NOX5: variants seen among roughly 807,000 people sequenced by gnomAD.
NOX5 encodes NADPH oxidase 5.
A neutral mutation model predicts 85.7 loss-of-function variants in NOX5; 76 were observed. That is an observed-to-expected ratio of 0.89 (90% CI 0.74 to 1.07). The LOEUF (loss-of-function observed/expected upper bound fraction) is 1.07, where lower values mean the gene tolerates loss of function less well. Ranked by LOEUF, NOX5 falls within the 50% of genes least tolerant of loss-of-function variation. The pLI is 0.00. For missense variants in NOX5, 973 were observed against 999.5 expected, an observed-to-expected ratio of 0.97 and a Z score of 0.36; for synonymous variants, 405 against 401.4, an observed-to-expected ratio of 1.01 and a Z score of -0.11.
In NOX5 at chr15:69,059,688, G is replaced by C. The variant is rs1430680655; in HGVS notation, c.*2992G>C. The C allele has an allele frequency of 6.6e-6, 1 of 152,182 alleles. No homozygotes were observed. Among genetic ancestry groups the C allele is most frequent in the Admixed American group, 6.5e-5 (1 of 15,280 alleles). 9.4% of individuals were successfully genotyped at this position (152,182 alleles called of 1,614,324 possible). On this transcript the variant is annotated 3_prime_UTR_variant, in exon 16 of 16. Coordinates refer to ENST00000388866, the MANE Select transcript of NOX5 (RefSeq NM_024505.4). ...CACATGTGAGTGTACAGCACGCATG[G>C]TCTGACCATCTGGATGTTTCCCAGA... is the stretch of plus-strand genomic sequence containing the variant.
intron 15 of NOX5, among the ~76,000 whole-genome samples, 196 bp from the exon 16 acceptor site, chr15:69,056,369 A>G (rs1466356472): frequency 2.0e-5 from 3 of 152,146 alleles, no homozygotes; most frequent in Non-Finnish European, 2.9e-5. Context: ...AGCTGAACAA[A>G]TGGCTCTTAG....
At chr15:69,041,788 T>A (rs1317406873) in intron 9 of NOX5, among the ~76,000 whole-genome samples, 1 of 152,236 alleles carries the variant, frequency 6.6e-6, no homozygotes, top group East Asian at 1.9e-4. Context: ...TTGGGCCGCA[T>A]GGGGCCCAGG....
At chr15:69,045,656 CCTCT>C (rs765747685) in intron 10 of NOX5, among the ~76,000 whole-genome samples, 5 of 148,898 alleles carry the variant, frequency 3.4e-5, no homozygotes, top group Admixed American at 6.7e-5. Context: ...CCCCTCCCTC[CCTCT>C]CTCTTTCTTT....
intron 1 of NOX5, among the ~76,000 whole-genome samples, chr15:69,015,411 C>T (rs892468155): frequency 2.6e-5 from 4 of 152,296 alleles, no homozygotes; most frequent in East Asian, 3.9e-4. Flanking sequence ...ATACCTCCTC[C>T]CTGCCTTCCC....
intron 9 of NOX5, among the ~76,000 whole-genome samples, chr15:69,041,229 A>T (rs2050590583): frequency 6.6e-6 from 1 of 152,162 alleles, no homozygotes; most frequent in African/African-American, 2.4e-5. Flanking sequence ...AGGCACTTCA[A>T]GCGACTTGGG....
intron 14 of NOX5, among the ~76,000 whole-genome samples, chr15:69,053,822 A>G (rs1268333110): frequency 4.6e-5 from 7 of 152,082 alleles, no homozygotes; most frequent in Non-Finnish European, 5.9e-5. Context: ...GAGGGAGGGT[A>G]AGAAGCAGGG....
At chr15:69,018,463 T>A (rs954638903) in intron 1 of NOX5, among the ~76,000 whole-genome samples, 3 of 152,166 alleles carry the variant, frequency 2.0e-5, no homozygotes, top group Admixed American at 2.0e-4. Flanking sequence ...GATAGGGAAT[T>A]ACAGTTAGCT....
At chr15:69,053,368 A>C (rs149934536) in intron 14 of NOX5, among the ~76,000 whole-genome samples, 67 of 152,334 alleles carry the variant, frequency 4.4e-4, no homozygotes, top group African/African-American at 1.6e-3. Flanking sequence ...ACTGGAGCTT[A>C]ATAAACTGCT....
chr15:69,024,371 T>C (rs2050330629), intron 1 of NOX5, among the ~76,000 whole-genome samples: 1 of 152,220 alleles, frequency 6.6e-6, no homozygotes, highest in Admixed American at 6.5e-5. Flanking sequence ...AATTCTAGAA[T>C]CAACAGTTCA....
At chr15:69,024,604 GTATATTGTTA>G (rs1285698790) in intron 1 of NOX5, among the ~76,000 whole-genome samples, 8 of 152,028 alleles carry the variant, frequency 5.3e-5, no homozygotes, top group Non-Finnish European at 1.2e-4. Context: ...TTGTATTACA[GTATATTGTTA>G]TATATTGTTA....
intron 4 of NOX5, among the ~76,000 whole-genome samples, chr15:69,032,331 T>TA (rs1186600016): frequency 6.6e-6 from 1 of 151,642 alleles, no homozygotes; most frequent in African/African-American, 2.4e-5. Context: ...AATAAGAGTG[T>TA]AACAGCAAGA....
intron 14 of NOX5, among the ~76,000 whole-genome samples, chr15:69,050,633 C>A (rs1269485828): frequency 6.6e-6 from 1 of 152,224 alleles, no homozygotes; most frequent in African/African-American, 2.4e-5. Flanking sequence ...AAGTGATCCA[C>A]CTGCTTCAGC....
At chr15:69,041,492 A>G (rs1185385236) in intron 9 of NOX5, among the ~76,000 whole-genome samples, 1 of 152,228 alleles carries the variant, frequency 6.6e-6, no homozygotes, top group African/African-American at 2.4e-5. Flanking sequence ...AACAAACCCC[A>G]GGAGCATTAA....
chr15:69,037,028 G>A lies in NOX5; in HGVS notation c.1189G>A (p.Val397Met). The A allele has an allele frequency of 6.2e-7, 1 of 1,613,158 alleles. No individual in the cohort carries two copies. Among genetic ancestry groups the A allele is most frequent in the Non-Finnish European group, 8.5e-7 (1 of 1,179,778 alleles). ...TTGACTGCCCCCCCTACCCCCATAG[G>A]TGTTCTATTGGACTCACCTGTCCTA... ...SCIRRSGHFE[V>M]FYWTHLSYLL... Residue 397 changes from valine to methionine, a missense_variant and splice_region_variant, in exon 8 of 16, where the codon GTG becomes ATG. Coordinates refer to ENST00000388866, the MANE Select transcript of NOX5 (RefSeq NM_024505.4).
chr15:69,028,637 C>A (rs1048241839), intron 3 of NOX5: 3 of 290,828 alleles, frequency 1.0e-5, no homozygotes, highest in Non-Finnish European at 1.9e-5. Context: ...ATTCAACTTA[C>A]CAGAGGCCAG....
intron 1 of NOX5, chr15:69,023,689 G>T: frequency 5.7e-6 from 1 of 174,146 alleles, no homozygotes; most frequent in Non-Finnish European, 1.2e-5. Context: ...AATAATACGT[G>T]CATTATAAAA....
intron 3 of NOX5, 124 bp downstream of exon 3, chr15:69,028,489 G>A (rs1177682044): frequency 8.1e-6 from 7 of 864,944 alleles, no homozygotes; most frequent in Admixed American, 2.8e-5. Context: ...CCTGGGACTG[G>A]TTTCTCCAGG....
chr15:69,025,319 A>G lies in NOX5; in HGVS notation c.51-1209A>G, dbSNP rs554525793. ...TGCACAGTACAGCCTTTGCTCGCTT[A>G]GAAATGCTAGAGAGCACCGCAACAT... On this transcript the variant is annotated intron_variant, in intron 1 of 15. Coordinates refer to ENST00000388866, the MANE Select transcript of NOX5 (RefSeq NM_024505.4). 4.6e-5 allele frequency among the ~76,000 whole-genome samples: 7 copies of G among 151,854 alleles called. 1 individual carries two copies. Among genetic ancestry groups the G allele is most frequent in the African/African-American group, 1.5e-4 (6 of 41,102 alleles).
intron 3 of NOX5, 114 bp downstream of exon 3, chr15:69,028,479 C>A: frequency 9.6e-7 from 1 of 1,042,312 alleles, no homozygotes; most frequent in Non-Finnish European, 1.4e-6. Context: ...CTGAGCCCAG[C>A]CTGGGACTGG....
Sources: gnomAD v4.1 joint callset for allele counts (sites outside exome capture counted in the v4.1 genomes callset) on GRCh38, gnomAD v4.1.1 for gene constraint, MANE v1.5 for transcripts, NCBI Gene and HGNC (gene_info 2026-07-23, HGNC 2026-07-21) for gene names.